Variants in AUTS2 observed in about 807,000 individuals in gnomAD.
AUTS2 encodes the protein autism susceptibility gene 2 protein.
AUTS2 carries 17 observed loss-of-function variants against 112.4 expected under a neutral mutation model. The ratio of observed to expected loss-of-function variants is 0.15; its 90% CI spans 0.10 to 0.23. The LOEUF (loss-of-function observed/expected upper bound fraction) is 0.23, where lower values mean the gene tolerates loss of function less well. AUTS2 is among the 10% of genes least tolerant of loss of function. The probability of loss-of-function intolerance (pLI) is 1.00; values close to 1 mark genes in which losing one functional copy is unlikely to be tolerated. For synonymous variants in AUTS2, 751 were observed against 702.7 expected (o/e 1.07, Z -1.09); for missense variants, 1,510 against 1,701.6 (o/e 0.89, Z 1.98).
intron 4 of AUTS2, among the ~76,000 whole-genome samples, chr7:70,430,691 G>A (rs149129023): frequency 1.4e-3 from 219 of 152,246 alleles, no homozygotes; most frequent in Admixed American, 2.2e-3. Flanking sequence ...AAAGACAGTC[G>A]CAGACAGCAA....
chr7:69,899,205 T>C, intron 1 of AUTS2, 81 bp from the exon 2 acceptor site: 2 of 1,025,124 alleles, frequency 2.0e-6, no homozygotes, highest in Non-Finnish European at 3.0e-6. Context: ...TAACACCCTT[T>C]AGTATTTAGC....
chr7:70,785,027 G>A lies in AUTS2; in HGVS notation c.2224+8G>A, dbSNP rs373111947. On this transcript the variant is annotated splice_region_variant and intron_variant, in intron 16 of 18. Coordinates refer to ENST00000342771, the MANE Select transcript of AUTS2 (RefSeq NM_015570.4). ...ACCCTGCTGCCCACCTAGGTGAGTC[G>A]CCCAAAATAATGGGAACTGAGATGT... is the stretch of plus-strand genomic sequence containing the variant. 30 of 1,613,740 alleles carry A rather than the reference G, an allele frequency of 1.9e-5. No individual in the cohort carries two copies. Among genetic ancestry groups the A allele is most frequent in the South Asian group, 1.3e-4 (12 of 91,078 alleles).
chr7:70,176,819 G>A (rs542901970), intron 4 of AUTS2, among the ~76,000 whole-genome samples: 4 of 152,256 alleles, frequency 2.6e-5, no homozygotes, highest in African/African-American at 9.6e-5. Flanking sequence ...CATCATACTG[G>A]AGTGCTTTTC....
chr7:69,932,857 C>G (rs1174045240), intron 2 of AUTS2, among the ~76,000 whole-genome samples: 2 of 152,194 alleles, frequency 1.3e-5, no homozygotes, highest in South Asian at 2.1e-4. Context: ...TAATCTAGAG[C>G]TACTATTTTA....
chr7:69,750,118 C>A (rs1347608317), intron 1 of AUTS2, among the ~76,000 whole-genome samples: 1 of 152,058 alleles, frequency 6.6e-6, no homozygotes, highest in Non-Finnish European at 1.5e-5. Flanking sequence ...TTTTCTCGTT[C>A]TGTTGATGAC....
At chr7:69,763,282 A>G (rs1324602192) in intron 1 of AUTS2, among the ~76,000 whole-genome samples, 3 of 152,130 alleles carry the variant, frequency 2.0e-5, no homozygotes, top group Admixed American at 6.6e-5. Flanking sequence ...TGCGTTGAGG[A>G]TGATTAGGTA....
At chr7:70,047,113 G>A (rs1801541093) in intron 2 of AUTS2, among the ~76,000 whole-genome samples, 1 of 152,124 alleles carries the variant, frequency 6.6e-6, no homozygotes, top group South Asian at 2.1e-4. Flanking sequence ...TGTTTGTGAT[G>A]GGATGTCTAG....
At chr7:69,972,498 T>C (rs1797887560) in intron 2 of AUTS2, among the ~76,000 whole-genome samples, 1 of 152,196 alleles carries the variant, frequency 6.6e-6, no homozygotes, top group South Asian at 2.1e-4. Flanking sequence ...TATTCTTGCT[T>C]TTATTGTCAA....
At chr7:70,577,873 C>G (rs1802243507) in intron 5 of AUTS2, among the ~76,000 whole-genome samples, 2 of 151,552 alleles carry the variant, frequency 1.3e-5, no homozygotes, top group South Asian at 4.2e-4. Flanking sequence ...CTCTGTCGCC[C>G]AGGCTGGAGT....
At chr7:70,216,625 A>T (rs550095201) in intron 4 of AUTS2, among the ~76,000 whole-genome samples, 107 of 152,222 alleles carry the variant, frequency 7.0e-4, no homozygotes, top group Non-Finnish European at 1.3e-3. Flanking sequence ...GACTAATGAG[A>T]GTTGTTGTAT....
intron 2 of AUTS2, among the ~76,000 whole-genome samples, chr7:70,088,750 T>C (rs1302778840): frequency 1.3e-5 from 2 of 152,030 alleles, no homozygotes; most frequent in Admixed American, 1.3e-4. Flanking sequence ...GTAGCTGAGA[T>C]TACAGGCGCT....
intron 5 of AUTS2, among the ~76,000 whole-genome samples, chr7:70,485,568 A>G (rs942794893): frequency 6.6e-6 from 1 of 152,146 alleles, no homozygotes; most frequent in African/African-American, 2.4e-5. Flanking sequence ...AATCACCACT[A>G]AAGTACTTAT....
chr7:69,679,396 G>A (rs1351165399), intron 1 of AUTS2, among the ~76,000 whole-genome samples: 1 of 152,222 alleles, frequency 6.6e-6, no homozygotes, highest in Non-Finnish European at 1.5e-5. Context: ...ATAAAATGGG[G>A]ATTCCAGGTC....
In AUTS2 at chr7:69,781,060, C is replaced by A. The variant is rs552333188; in HGVS notation, c.310-118226C>A. Among the ~76,000 whole-genome samples the A allele has an allele frequency of 8.5e-5, 13 of 152,310 alleles. No homozygotes were observed. The East Asian group carries it at 2.3e-3, about 27-fold the overall frequency. On this transcript the variant is annotated intron_variant, in intron 1 of 18. Coordinates refer to ENST00000342771, the MANE Select transcript of AUTS2 (RefSeq NM_015570.4). ...ACTGAGATCTAGCAGGGTTAAAAAA[C>A]CAGCCCAGTTTCACAGTTAGCAGTG...
intron 5 of AUTS2, among the ~76,000 whole-genome samples, chr7:70,557,116 C>T (rs930586439): frequency 7.2e-5 from 11 of 152,148 alleles, no homozygotes; most frequent in African/African-American, 1.9e-4. Context: ...GAGTGCAGGG[C>T]GGGCAGTAAG....
At chr7:70,044,101 C>T (rs1008291207) in intron 2 of AUTS2, among the ~76,000 whole-genome samples, 10 of 152,078 alleles carry the variant, frequency 6.6e-5, no homozygotes, top group Non-Finnish European at 1.3e-4. Context: ...CCTCTCATGC[C>T]CATCCACAGG....
intron 2 of AUTS2, among the ~76,000 whole-genome samples, chr7:70,003,293 T>G (rs1457912978): frequency 7.6e-6 from 1 of 132,416 alleles, no homozygotes; most frequent in Non-Finnish European, 1.5e-5. Flanking sequence ...ATATATTATA[T>G]ATGAATATAT....
intron 1 of AUTS2, among the ~76,000 whole-genome samples, chr7:69,799,825 T>C (rs1319762924): frequency 6.6e-6 from 1 of 152,292 alleles, no homozygotes; most frequent in East Asian, 1.9e-4. Flanking sequence ...GCTGTGTTTT[T>C]ATTTCTGAGC....
intron 1 of AUTS2, among the ~76,000 whole-genome samples, chr7:69,774,940 A>G (rs895175072): frequency 1.3e-5 from 2 of 152,194 alleles, no homozygotes; most frequent in Non-Finnish European, 2.9e-5. Context: ...TCTGTTAGCA[A>G]TCTGTGTAAA....
Sources: gnomAD v4.1 joint callset for allele counts (sites outside exome capture counted in the v4.1 genomes callset) on GRCh38, gnomAD v4.1.1 for gene constraint, MANE v1.5 for transcripts, NCBI Gene and HGNC (gene_info 2026-07-23, HGNC 2026-07-21) for gene names.